GABRB2: variants seen among roughly 807,000 people sequenced by gnomAD.
GABRB2 encodes gamma-aminobutyric acid type A receptor subunit beta2.
GABRB2 carries 16 observed loss-of-function variants against 54.7 expected under a neutral mutation model. The ratio of observed to expected loss-of-function variants is 0.29; its 90% CI spans 0.20 to 0.44. GABRB2 has a LOEUF of 0.44. GABRB2 is among the 20% of genes least tolerant of loss of function. The pLI, the probability that GABRB2 is intolerant of heterozygous loss-of-function variation, is 1.00. For missense variants in GABRB2, 355 were observed against 644.0 expected (o/e 0.55, Z 4.86); for synonymous variants, 244 against 233.8 (o/e 1.04, Z -0.40).
At chr5:161,491,598 C>T (rs149667409) in intron 3 of GABRB2, among the ~76,000 whole-genome samples, 101 of 151,586 alleles carry the variant, frequency 6.7e-4, no homozygotes, top group African/African-American at 2.4e-3. Flanking sequence ...TTGTTTTATT[C>T]ATTTGGGGAG....
Position 161,356,700 on chromosome 5 carries a change from C to T in GABRB2, c.542-19931G>A, listed in dbSNP as rs184255426. 3.3e-3 allele frequency among the ~76,000 whole-genome samples: 504 copies of T among 152,228 alleles called. 4 individuals are homozygous for T. Among genetic ancestry groups the T allele is most frequent in the African/African-American group, 0.011 (465 of 41,550 alleles). ...AATACACAGTGGCAGAACAATGAAT[C>T]GCAGGTGCCATGGAAAACGTGCACA... On this transcript the variant is annotated intron_variant, in intron 5 of 9. Coordinates refer to ENST00000393959, the MANE Select transcript of GABRB2 (RefSeq NM_001371727.1).
chr5:161,331,207 A>T (rs1204844761), intron 7 of GABRB2, 80 bp from the exon 8 acceptor site: 2 of 1,450,938 alleles, frequency 1.4e-6, no homozygotes, highest in Non-Finnish European at 1.8e-6. Flanking sequence ...GGTGATCTAT[A>T]TTCATTTTCT....
At chr5:161,397,938 C>A (rs574993362) in intron 5 of GABRB2, among the ~76,000 whole-genome samples, 1 of 151,942 alleles carries the variant, frequency 6.6e-6, no homozygotes, top group African/African-American at 2.4e-5. Flanking sequence ...GGTAGATACA[C>A]CACAATGAGA....
chr5:161,428,888 C>T (rs1467744507), intron 4 of GABRB2, among the ~76,000 whole-genome samples: 2 of 151,990 alleles, frequency 1.3e-5, no homozygotes, highest in African/African-American at 4.8e-5. Context: ...AGGGCATCTA[C>T]CTCTGAACAT....
intron 3 of GABRB2, among the ~76,000 whole-genome samples, chr5:161,491,606 G>T (rs2113353744): frequency 6.6e-6 from 1 of 151,604 alleles, no homozygotes; most frequent in East Asian, 2.0e-4. Flanking sequence ...TTCATTTGGG[G>T]AGGTGTTTGC....
intron 5 of GABRB2, among the ~76,000 whole-genome samples, chr5:161,350,013 T>C (rs1754427589): frequency 6.6e-6 from 1 of 152,096 alleles, no homozygotes; most frequent in Non-Finnish European, 1.5e-5. Flanking sequence ...ATAACAAACC[T>C]TTTCATAATA....
At chr5:161,349,101 T>C (rs1044773570) in intron 5 of GABRB2, among the ~76,000 whole-genome samples, 2 of 152,098 alleles carry the variant, frequency 1.3e-5, no homozygotes, top group Non-Finnish European at 2.9e-5. Context: ...ACTTCTCGCA[T>C]AGAATAAAAC....
intron 3 of GABRB2, among the ~76,000 whole-genome samples, chr5:161,528,177 A>C (rs1156433699): frequency 2.0e-5 from 3 of 151,750 alleles, no homozygotes; most frequent in African/African-American, 7.2e-5. Flanking sequence ...AAGAGCAAAA[A>C]TCATATTTGA....
chr5:161,334,987 C>G (rs891805072), intron 6 of GABRB2, 83 bp from the exon 7 acceptor site: 48 of 1,334,850 alleles, frequency 3.6e-5, no homozygotes, highest in Non-Finnish European at 4.9e-5. Flanking sequence ...AACAGTACCT[C>G]TTCTCTCAGT....
chr5:161,509,557 T>C (rs533424145), intron 3 of GABRB2, among the ~76,000 whole-genome samples: 1 of 152,128 alleles, frequency 6.6e-6, no homozygotes, highest in East Asian at 1.9e-4. Flanking sequence ...CATATTCATG[T>C]CGATTTCTGT....
intron 9 of GABRB2, among the ~76,000 whole-genome samples, chr5:161,317,753 T>C (rs1416823009): frequency 6.6e-6 from 1 of 152,086 alleles, no homozygotes; most frequent in Non-Finnish European, 1.5e-5. Context: ...TATTTTATTA[T>C]ACCTAGAACT....
At chr5:161,329,334 A>T (rs2113394754) in intron 8 of GABRB2, 1 of 152,310 alleles carries the variant, frequency 6.6e-6, no homozygotes, top group South Asian at 2.1e-4. Context: ...CTTTCATTTG[A>T]CAGCCTGAGA....
chr5:161,419,483 G>A (rs989538121), intron 4 of GABRB2, among the ~76,000 whole-genome samples: 5 of 152,100 alleles, frequency 3.3e-5, no homozygotes, highest in South Asian at 2.1e-4. Context: ...AAAATAAACC[G>A]CTACGCCAAA....
At chr5:161,544,454 C>T (rs951434396) in intron 3 of GABRB2, among the ~76,000 whole-genome samples, 2 of 152,172 alleles carry the variant, frequency 1.3e-5, no homozygotes, top group Admixed American at 6.5e-5. Flanking sequence ...ATATGGGCAG[C>T]AGGGGGAGCT....
At chr5:161,392,425 A>T (rs902426321) in intron 5 of GABRB2, among the ~76,000 whole-genome samples, 2 of 152,176 alleles carry the variant, frequency 1.3e-5, no homozygotes, top group African/African-American at 4.8e-5. Context: ...GAAAAACTTA[A>T]TTGAAATCTG....
rs558516488 is a variant in GABRB2 at position 161,520,581 on chromosome 5, A to G, written c.237+24646T>C. 1.7e-3 allele frequency among the ~76,000 whole-genome samples: 263 copies of G among 152,174 alleles called. 1 individual carries two copies. Among genetic ancestry groups the G allele is most frequent in the African/African-American group, 6.0e-3 (251 of 41,538 alleles). ...TACTTCATCTTCACCCAACTTCAAG[A>G]GATTTATTTACCTCATTTTACAGTT... is the stretch of plus-strand genomic sequence containing the variant. On this transcript the variant is annotated intron_variant, in intron 3 of 9. Transcript: ENST00000393959.
intron 4 of GABRB2, among the ~76,000 whole-genome samples, chr5:161,430,535 G>A (rs75033709): frequency 2.6e-5 from 4 of 152,092 alleles, no homozygotes; most frequent in Non-Finnish European, 5.9e-5. Context: ...AAAGAGGTCA[G>A]TTTGCTTGTC....
intron 4 of GABRB2, among the ~76,000 whole-genome samples, chr5:161,444,215 T>C (rs755847586): frequency 2.0e-5 from 3 of 152,162 alleles, no homozygotes; most frequent in Non-Finnish European, 2.9e-5. Context: ...ATAGGCAAGA[T>C]ACTCCAAATT....
intron 5 of GABRB2, among the ~76,000 whole-genome samples, chr5:161,395,106 A>G (rs1292913020): frequency 6.6e-6 from 1 of 152,182 alleles, no homozygotes; most frequent in Non-Finnish European, 1.5e-5. Flanking sequence ...AGAAGAAAGG[A>G]TATGATCATC....
Sources: gnomAD v4.1 joint callset for allele counts (sites outside exome capture counted in the v4.1 genomes callset) on GRCh38, gnomAD v4.1.1 for gene constraint, MANE v1.5 for transcripts, NCBI Gene and HGNC (gene_info 2026-07-23, HGNC 2026-07-21) for gene names.